The following KHDRBS2 variants were observed in gnomAD, a reference collection of about 807,000 sequenced individuals.
KHDRBS2 encodes the protein KH RNA binding domain containing, signal transduction associated 2.
Under a neutral mutation model 44.3 loss-of-function variants are expected in KHDRBS2, and 26 were observed. That is an observed-to-expected ratio of 0.59 (90% CI 0.43 to 0.81). KHDRBS2 has a LOEUF of 0.81. KHDRBS2 is among the 40% of genes least tolerant of loss of function. The probability of loss-of-function intolerance (pLI) is 0.00; values close to 1 mark genes in which losing one functional copy is unlikely to be tolerated. For synonymous variants in KHDRBS2, 194 were observed against 151.1 expected (o/e 1.28, Z -2.08); for missense variants, 476 against 433.1 (o/e 1.10, Z -0.88).
the KHDRBS2 span, among the ~76,000 whole-genome samples, chr6:61,544,542 A>G: frequency 4.6e-5 from 7 of 152,098 alleles, no homozygotes; most frequent in African/African-American, 1.7e-4. Flanking sequence ...TTTCCCAACT[A>G]GGTTTAACTG....
intron 2 of KHDRBS2, among the ~76,000 whole-genome samples, chr6:62,159,805 G>A (rs999824919): frequency 6.6e-6 from 1 of 152,096 alleles, no homozygotes; most frequent in Non-Finnish European, 1.5e-5. Flanking sequence ...TCATAAGGAA[G>A]AGAAAATATA....
chr6:61,901,528 AG>A (rs1303855124), intron 4 of KHDRBS2, among the ~76,000 whole-genome samples, 157 bp from the exon 5 acceptor site: 1 of 152,178 alleles, frequency 6.6e-6, no homozygotes, highest in East Asian at 1.9e-4. Context: ...GATATTAAAA[AG>A]TGTATATACT....
Position 61,954,789 on chromosome 6 carries a change from C to A in KHDRBS2, c.483+23277G>T, listed in dbSNP as rs1384846092. ...GTATACATACATATGTGTATATACACATGCATATGTATGTATACATACGCA... is the reference window on the plus strand; with the variant it reads ...GTATACATACATATGTGTATATACAAATGCATATGTATGTATACATACGCA... On this transcript the variant is annotated intron_variant, in intron 4 of 8. Transcript: ENST00000281156. Among the ~76,000 whole-genome samples, 10 of 102,422 alleles carry A rather than the reference C, an allele frequency of 9.8e-5. 2 individuals are homozygous for A. Among genetic ancestry groups the A allele is most frequent in the Non-Finnish European group, 1.6e-4 (8 of 50,100 alleles). The allele number at this position is 102,422 out of a possible 152,430, so 67.2% of individuals were successfully genotyped here. A position where few individuals can be genotyped will look rare whatever the true frequency, so the allele number is the denominator to read the frequency against.
chr6:61,756,793 C>T (rs1261013489), intron 6 of KHDRBS2, among the ~76,000 whole-genome samples: 2 of 152,150 alleles, frequency 1.3e-5, no homozygotes, highest in Non-Finnish European at 2.9e-5. Context: ...AAACTATCAC[C>T]ACAATCAAGA....
At position 61,904,384 on chromosome 6, in the gene KHDRBS2, G is replaced by A. The variant is rs558455939; in HGVS notation, c.484-3013C>T. On this transcript the variant is annotated intron_variant, in intron 4 of 8. Coordinates refer to ENST00000281156, the MANE Select transcript of KHDRBS2 (RefSeq NM_152688.4). ...AATATTTGACACTGCAGGTTAATTA[G>A]TAGTGTAAGCAAAGCAACTAATATA... Among the ~76,000 whole-genome samples, 240 of 152,278 alleles carry A rather than the reference G, an allele frequency of 1.6e-3. 7 individuals carry two copies. In the South Asian group the frequency reaches 0.046, roughly 29 times the overall value.
At chr6:61,775,805 A>G (rs894256684) in intron 6 of KHDRBS2, among the ~76,000 whole-genome samples, 12 of 152,202 alleles carry the variant, frequency 7.9e-5, no homozygotes, top group African/African-American at 2.9e-4. Flanking sequence ...TAAATTTCAT[A>G]TGGAACCAAA....
intron 4 of KHDRBS2, among the ~76,000 whole-genome samples, chr6:61,946,629 A>G (rs1813419632): frequency 6.6e-6 from 1 of 152,156 alleles, no homozygotes; most frequent in Non-Finnish European, 1.5e-5. Flanking sequence ...TGGGCTAGAG[A>G]GGATAAGCCA....
At chr6:62,058,322 A>G (rs1255567608) in intron 2 of KHDRBS2, among the ~76,000 whole-genome samples, 1 of 151,908 alleles carries the variant, frequency 6.6e-6, no homozygotes, top group Non-Finnish European at 1.5e-5. Context: ...CTTGAATTCC[A>G]TCATTCGTTG....
the KHDRBS2 span, among the ~76,000 whole-genome samples, chr6:61,556,260 T>C: frequency 2.0e-5 from 3 of 152,150 alleles, no homozygotes; most frequent in African/African-American, 7.2e-5. Flanking sequence ...GAGCTACTGG[T>C]GGCCATGCGT....
At chr6:62,207,804 G>A (rs767579257) in intron 1 of KHDRBS2, among the ~76,000 whole-genome samples, 3 of 152,060 alleles carry the variant, frequency 2.0e-5, no homozygotes, top group Admixed American at 6.6e-5. Flanking sequence ...TATATTTGAT[G>A]TTTACAATAT....
At chr6:62,063,659 C>T (rs1400678913) in intron 2 of KHDRBS2, among the ~76,000 whole-genome samples, 1 of 146,278 alleles carries the variant, frequency 6.8e-6, no homozygotes, top group African/African-American at 2.5e-5. Context: ...TATGACAAAC[C>T]CACAGCCAAT....
chr6:61,701,533 A>T (rs990923540), intron 7 of KHDRBS2, among the ~76,000 whole-genome samples: 2 of 151,952 alleles, frequency 1.3e-5, no homozygotes, highest in African/African-American at 4.8e-5. Flanking sequence ...CAAAAATTGT[A>T]AAGTTCCCAA....
intron 2 of KHDRBS2, among the ~76,000 whole-genome samples, chr6:62,148,633 A>C (rs1243991238): frequency 6.6e-6 from 1 of 151,970 alleles, no homozygotes; most frequent in East Asian, 1.9e-4. Flanking sequence ...CAACAAATGA[A>C]AAACAAGCCT....
rs183754963 is a variant in KHDRBS2, at chr6:61,972,175, C to T, written c.483+5891G>A. On this transcript the variant is annotated intron_variant, in intron 4 of 8. Transcript: ENST00000281156. ...TCAGTGTTGACATATGATTATTATG[C>T]CAACTGCTTCTTTTATCTGTCTTCC... 1.1e-3 allele frequency among the ~76,000 whole-genome samples: 167 copies of T among 152,190 alleles called. 1 individual carries two copies. Among genetic ancestry groups the T allele is most frequent in the Non-Finnish European group, 1.7e-3 (118 of 67,998 alleles).
At chr6:61,627,862 T>A in the KHDRBS2 span, among the ~76,000 whole-genome samples, 2 of 152,128 alleles carry the variant, frequency 1.3e-5, no homozygotes, top group South Asian at 4.1e-4. Flanking sequence ...GTTGTTCTAG[T>A]GAATTTTCAA....
At chr6:61,579,277 T>A in the KHDRBS2 span, among the ~76,000 whole-genome samples, 1 of 152,174 alleles carries the variant, frequency 6.6e-6, no homozygotes, top group Non-Finnish European at 1.5e-5. Flanking sequence ...CTATTTGGAC[T>A]CCGTGTCTGG....
chr6:62,161,204 A>G (rs1304859817), intron 2 of KHDRBS2, among the ~76,000 whole-genome samples: 2 of 151,992 alleles, frequency 1.3e-5, no homozygotes, highest in African/African-American at 4.8e-5. Flanking sequence ...TATAAATAGC[A>G]TATATTTGAA....
intron 4 of KHDRBS2, among the ~76,000 whole-genome samples, chr6:61,935,567 T>C (rs1442816734): frequency 6.6e-6 from 1 of 152,186 alleles, no homozygotes; most frequent in Non-Finnish European, 1.5e-5. Flanking sequence ...TCTGAGGTTT[T>C]ACAATACTAT....
At chr6:61,765,723 T>C (rs1414370452) in intron 6 of KHDRBS2, among the ~76,000 whole-genome samples, 3 of 152,146 alleles carry the variant, frequency 2.0e-5, no homozygotes, top group Non-Finnish European at 4.4e-5. Context: ...TTTTATCAAA[T>C]GCTTTTTCAG....
Sources: allele counts gnomAD v4.1 joint callset (sites outside exome capture counted in the v4.1 genomes callset), GRCh38; gene constraint gnomAD v4.1.1; transcripts MANE v1.5; gene names NCBI Gene and HGNC (gene_info 2026-07-23, HGNC 2026-07-21).